The following CD40 variants were observed in gnomAD, a reference collection of about 807,000 sequenced individuals.
The protein encoded by CD40 is CD40 molecule, also known as tumor necrosis factor receptor superfamily member 5.
Under a neutral mutation model 38.5 loss-of-function variants are expected in CD40, and 19 were observed. The observed-to-expected ratio is 0.49, with a 90% CI of 0.34 to 0.72. CD40 has a LOEUF of 0.72. Among genes scored for constraint, CD40 ranks in the 30% least tolerant of loss-of-function variants. The probability of loss-of-function intolerance (pLI) is 0.01; values close to 1 mark genes in which losing one functional copy is unlikely to be tolerated. For missense variants in CD40, 256 were observed against 344.1 expected (o/e 0.74, Z 2.03); for synonymous variants, 130 against 128.7 (o/e 1.01, Z -0.07).
chr20:46,121,633 C>T (rs550511746), intron 1 of CD40, 187 bp from the exon 2 acceptor site: 19 of 659,988 alleles, frequency 2.9e-5, no homozygotes, highest in Middle Eastern at 3.0e-4. Context: ...TCTCTGGGTG[C>T]GATTATAATC....
At chr20:46,123,029 AG>A in intron 4 of CD40, 96 bp from the exon 5 acceptor site, 1 of 1,017,800 alleles carries the variant, frequency 9.8e-7, no homozygotes, top group Non-Finnish European at 1.6e-6. Flanking sequence ...TGCTCAAGGC[AG>A]GAGCTCTTCC....
Position 46,122,022 on chromosome 20 carries a change from T to A in CD40, c.130+124T>A. The A allele has an allele frequency of 9.6e-7, 1 of 1,038,496 alleles. No individual in the cohort carries two copies. The highest frequency in any genetic ancestry group is 1.5e-6 in the Non-Finnish European group (1 of 673,240). The allele number at this position is 1,038,496 out of a possible 1,614,324, so 64.3% of individuals were successfully genotyped here. Reference sequence around the variant, plus strand: ...CCCATTTCCCAGCCCTGCTTCACTGTCAGAATGTTCTGGTTCCCTCTCTAC... The same window carrying A: ...CCCATTTCCCAGCCCTGCTTCACTGACAGAATGTTCTGGTTCCCTCTCTAC... On this transcript the variant is annotated intron_variant, in intron 2 of 8. Transcript: ENST00000372285. The surrounding 1 kb of genome is among the most constrained non-coding windows in gnomAD (Gnocchi z 5.0).
chr20:46,122,788 G>A lies in CD40; in HGVS notation c.403+32G>A, dbSNP rs769831127. ...GGCTCATCTGGGAATCAGTTTTGGAGGGGGACAGAGGAGCTTAGGGCCCAA... is the reference window on the plus strand; with the variant it reads ...GGCTCATCTGGGAATCAGTTTTGGAAGGGGACAGAGGAGCTTAGGGCCCAA... On this transcript the variant is annotated intron_variant, in intron 4 of 8. Coordinates refer to ENST00000372285, the MANE Select transcript of CD40 (RefSeq NM_001250.6). The surrounding 1 kb of genome is among the most constrained non-coding windows in gnomAD (Gnocchi z 5.0). The A allele has an allele frequency of 2.5e-6, 4 of 1,613,092 alleles. No individual in the cohort carries two copies. Among genetic ancestry groups the A allele is most frequent in the South Asian group, 1.1e-5 (1 of 91,036 alleles).
In CD40 at chr20:46,122,184, G is replaced by T; in HGVS notation, c.131-49G>T. ...CCTGATCATTGTGTGGTTAGTGTCT[G>T]ACTCATGGAGTTGGCCAGAGCCCTC... On this transcript the variant is annotated intron_variant, in intron 2 of 8. Coordinates refer to ENST00000372285, the MANE Select transcript of CD40 (RefSeq NM_001250.6). The surrounding 1 kb of genome is among the most constrained non-coding windows in gnomAD (Gnocchi z 5.0). The T allele has an allele frequency of 1.2e-6, 2 of 1,611,744 alleles. No individual in the cohort carries two copies. The highest frequency in any genetic ancestry group is 2.2e-5 in the South Asian group (2 of 90,884).
At chr20:46,128,260 G>T (rs1298049109) in intron 7 of CD40, 36 bp downstream of exon 7, 2 of 1,612,778 alleles carry the variant, frequency 1.2e-6, no homozygotes, top group African/African-American at 2.7e-5. Context: ...GGGGGAGGGA[G>T]GGGAGACCAC....
chr20:46,120,270 A>G (rs902584932), intron 1 of CD40, among the ~76,000 whole-genome samples: 3 of 152,232 alleles, frequency 2.0e-5, no homozygotes, highest in South Asian at 2.1e-4. Flanking sequence ...GGCCATATAC[A>G]TGTATTCTTT....
chr20:46,128,443 T>C (rs1446060540), intron 8 of CD40, 85 bp downstream of exon 8: 1 of 1,438,086 alleles, frequency 7.0e-7, no homozygotes, highest in Non-Finnish European at 9.8e-7. Context: ...GTAAAACTGA[T>C]TCAGAGTCTG....
chr20:46,127,996 T>A, intron 6 of CD40, 142 bp from the exon 7 acceptor site: 2 of 1,532,684 alleles, frequency 1.3e-6, no homozygotes, highest in South Asian at 1.2e-5. Flanking sequence ...CCAGCCACAT[T>A]TCCCCAAGGA....
At chr20:46,121,935 C>T (rs1319134517) in intron 2 of CD40, 37 bp downstream of exon 2, 1 of 1,553,550 alleles carries the variant, frequency 6.4e-7, no homozygotes, top group South Asian at 1.1e-5. Flanking sequence ...CATGGAGTCC[C>T]CCTTTGCTTT....
chr20:46,126,628 G>A lies in CD40; in HGVS notation c.498-12G>A. The A allele has an allele frequency of 6.2e-7, 1 of 1,613,982 alleles. No individual in the cohort carries two copies. Among genetic ancestry groups the A allele is most frequent in the African/African-American group, 1.3e-5 (1 of 75,046 alleles). ...TCTGTGTGTGTGCATTTGTGCACGT[G>A]TCTGTGCATAGCTGTGAGACCAAAG... is the stretch of plus-strand genomic sequence containing the variant. On this transcript the variant is annotated splice_polypyrimidine_tract_variant and intron_variant, in intron 5 of 8. Coordinates refer to ENST00000372285, the MANE Select transcript of CD40 (RefSeq NM_001250.6).
chr20:46,118,354 T>G lies in CD40; in HGVS notation c.11T>G (p.Leu4Arg), dbSNP rs746583774. 1 of 1,614,084 alleles carries G rather than the reference T, an allele frequency of 6.2e-7. No homozygotes were observed. The highest frequency in any genetic ancestry group is 8.5e-7 in the Non-Finnish European group (1 of 1,179,998). Residue 4 changes from leucine (L) to arginine (R), a missense_variant, in exon 1 of 9, where the codon CTG becomes CGG. Leu to Arg is a moderately radical substitution (Grantham distance 102). Transcript: ENST00000372285. ...TGGTCTCACCTCGCTATGGTTCGTC[T>G]GCCTCTGCAGTGCGTCCTCTGGGGC... MVRLPLQCVLWGCL... is the reference protein window; with the variant it reads MVRRPLQCVLWGCL...
Position 46,122,884 on chromosome 20 carries a change from TC to T in CD40, c.403+132del. The T allele has an allele frequency of 1.6e-6, 2 of 1,229,590 alleles. No individual in the cohort carries two copies. The highest frequency in any genetic ancestry group is 2.3e-6 in the Non-Finnish European group (2 of 869,600). 76.2% of individuals were successfully genotyped at this position (1,229,590 alleles called of 1,614,324 possible). ...GCAGAGGCTCCAACCTATGTCGGTA[TC>T]CCCACTGGAGTGAGCTGCAGACGGG... On this transcript the variant is annotated intron_variant, in intron 4 of 8. Coordinates refer to ENST00000372285, the MANE Select transcript of CD40 (RefSeq NM_001250.6). The surrounding 1 kb of genome is among the most constrained non-coding windows in gnomAD (Gnocchi z 5.0).
chr20:46,122,688 C>T lies in CD40; in HGVS notation c.335C>T (p.Thr112Met), dbSNP rs779810076. ...ACCTGTGAAGAAGGCTGGCACTGTA[C>T]GAGTGAGGCCTGTGAGAGCTGTGTC... ...ICTCEEGWHC[T>M]SEACESCVLH... Residue 112 changes from threonine (T) to methionine (M), a missense_variant, in exon 4 of 9, where the codon ACG becomes ATG. Thr to Met is a moderately conservative substitution (Grantham distance 81). Transcript: ENST00000372285. The surrounding 1 kb of genome is among the most constrained non-coding windows in gnomAD (Gnocchi z 5.0). 3.5e-5 allele frequency: 56 copies of T among 1,614,008 alleles called. No homozygotes were observed. Among genetic ancestry groups the T allele is most frequent in the Admixed American group, 8.3e-5 (5 of 60,002 alleles).
At position 46,128,304 on chromosome 20, in the gene CD40, CTT is replaced by C. The variant is rs749590513; in HGVS notation, c.647-4_647-3del. 50,406 of 1,347,996 alleles carry C rather than the reference CTT, an allele frequency of 0.037. No homozygotes were observed. The highest frequency in any genetic ancestry group is 0.039 in the Non-Finnish European group (39,775 of 1,016,826). 83.5% of individuals were successfully genotyped at this position (1,347,996 alleles called of 1,614,324 possible). A position where few individuals can be genotyped will look rare whatever the true frequency, so the allele number is the denominator to read the frequency against. ...TATCTGGCCTCTCCAACTCCCCATC[CTT>C]TTTTTTTTTTTTTTTTTTTTTAGAA... On this transcript the variant is annotated intron_variant, in intron 7 of 8. Transcript: ENST00000372285.
At chr20:46,125,546 C>CAAAAA (rs60475326) in intron 5 of CD40, among the ~76,000 whole-genome samples, 3 of 69,434 alleles carry the variant, frequency 4.3e-5, no homozygotes, top group Admixed American at 1.8e-4. Context: ...GACTCTGTCT[C>CAAAAA]AAAAAAAAAA....
rs143037975 is a variant in CD40 at position 46,128,188 on chromosome 20, A to G, written c.610A>G (p.Ile204Val). 24 of 1,610,556 alleles carry G rather than the reference A, an allele frequency of 1.5e-5. No homozygotes were observed. The African/African-American group carries it at 3.1e-4, about 21-fold the overall frequency. The change falls in exon 7 of 9, where the codon ATC becomes GTC. Residue 204 changes from isoleucine (I) to valine (V), a missense_variant. Transcript: ENST00000372285. ...ALVVIPIIFG[I>V]LFAILLVLVF... is the part of the protein sequence containing the mutation. ...GGTGGTGATCCCCATCATCTTCGGG[A>G]TCCTGTTTGCCATCCTCTTGGTGCT... is the stretch of plus-strand genomic sequence containing the variant.
intron 5 of CD40, 62 bp downstream of exon 5, chr20:46,123,281 C>T: frequency 2.5e-6 from 3 of 1,187,818 alleles, no homozygotes; most frequent in Non-Finnish European, 3.8e-6. Flanking sequence ...CCTCCATTCT[C>T]TCCAGCCACC....
chr20:46,122,180 G>T lies in CD40; in HGVS notation c.131-53G>T. On this transcript the variant is annotated intron_variant, in intron 2 of 8. Coordinates refer to ENST00000372285, the MANE Select transcript of CD40 (RefSeq NM_001250.6). The surrounding 1 kb of genome is among the most constrained non-coding windows in gnomAD (Gnocchi z 5.0). ...CTGGCCTGATCATTGTGTGGTTAGT[G>T]TCTGACTCATGGAGTTGGCCAGAGC... The T allele has an allele frequency of 6.2e-7, 1 of 1,610,334 alleles. No individual in the cohort carries two copies. The highest frequency in any genetic ancestry group is 1.1e-5 in the South Asian group (1 of 90,900).
At chr20:46,123,300 C>A in intron 5 of CD40, 81 bp downstream of exon 5, 2 of 1,073,720 alleles carry the variant, frequency 1.9e-6, no homozygotes, top group South Asian at 1.2e-5. Context: ...CCTGTCCTGT[C>A]CCTGCTCCCA....
Sources: gnomAD v4.1 joint callset for allele counts (sites outside exome capture counted in the v4.1 genomes callset) on GRCh38, gnomAD v4.1.1 for gene constraint, Gnocchi (gnomAD v3.1) non-coding constraint, MANE v1.5 for transcripts, NCBI Gene and HGNC (gene_info 2026-07-23, HGNC 2026-07-21) for gene names.